Variants in TLE7 observed in about 807,000 individuals in gnomAD.
TLE7 encodes TLE family member 7, also known as transducin-like enhancer protein 7.
chr16:71,437,350 GA>G (rs57942255), intron 1 of TLE7, among the ~76,000 whole-genome samples: 24,270 of 89,328 alleles, frequency 0.27, 2,852 homozygotes, highest in African/African-American at 0.46. Flanking sequence ...CTCTGTCTCA[GA>G]AAAAAAAAAA....
rs1173809621 is a variant in TLE7 at position 71,431,839 on chromosome 16, G to T, written c.773C>A (p.Ser258Tyr). 1 of 400,724 alleles carries T rather than the reference G, an allele frequency of 2.5e-6. No individual in the cohort carries two copies. Among genetic ancestry groups the T allele is most frequent in the East Asian group, 3.6e-5 (1 of 28,054 alleles). The allele number at this position is 400,724 out of a possible 1,614,324, so 24.8% of individuals were successfully genotyped here. Residue 258 changes from serine (S) to tyrosine (Y), a missense_variant, in exon 6 of 10, where the codon TCC becomes TAC. By Grantham distance (144) the Ser-to-Tyr change is moderately radical. Coordinates refer to ENST00000561754, the MANE Select transcript of TLE7 (RefSeq NM_001367365.2). This position sits in a 1 kb window ranked among gnomAD's most constrained non-coding sequence, Gnocchi z 4.5. ...AGCCAAACAGATATGGGCATCAGAG[G>T]AGACAGCCAGAGAATAGCACGTGGG... ...TGPTCYSLAV[S>Y]SDAHICLACF...
At position 71,433,104 on chromosome 16, in the gene TLE7, T is replaced by C. The variant is rs1275463947; in HGVS notation, c.221A>G (p.Gln74Arg). 1.0e-5 allele frequency: 4 copies of C among 398,730 alleles called. No individual in the cohort carries two copies. Among genetic ancestry groups the C allele is most frequent in the Non-Finnish European group, 1.8e-5 (4 of 226,252 alleles). The allele number at this position is 398,730 out of a possible 1,614,324, so 24.7% of individuals were successfully genotyped here. A position where few individuals can be genotyped will look rare whatever the true frequency, so the allele number is the denominator to read the frequency against. ...DQETSTVTQQ[Q>R]WHLQGLGRSE... Reference sequence around the variant, plus strand: ...TCTACCCAGGCCCTGGAGGTGCCACTGCTGCTGGGTCACCGTGCTTGTCTC... The same window carrying C: ...TCTACCCAGGCCCTGGAGGTGCCACCGCTGCTGGGTCACCGTGCTTGTCTC... Residue 74 changes from glutamine (Q) to arginine (R), a missense_variant, in exon 2 of 10, where the codon CAG becomes CGG. Physicochemically the swap from Gln to Arg is conservative, Grantham distance 43. Coordinates refer to ENST00000561754, the MANE Select transcript of TLE7 (RefSeq NM_001367365.2).
chr16:71,438,681 CAAAAAA>C (rs71389663), intron 1 of TLE7, among the ~76,000 whole-genome samples: 1 of 65,764 alleles, frequency 1.5e-5, no homozygotes, highest in African/African-American at 5.0e-5. Context: ...GACTCCATCT[CAAAAAA>C]AAAAAAAAAA....
In TLE7 at chr16:71,430,348, T is replaced by C. The variant is rs971185401; in HGVS notation, c.1240A>G (p.Ile414Val). The C allele has an allele frequency of 2.5e-6, 1 of 398,660 alleles. No individual in the cohort carries two copies. Among genetic ancestry groups the C allele is most frequent in the Non-Finnish European group, 4.4e-6 (1 of 226,104 alleles). 24.7% of individuals were successfully genotyped at this position (398,660 alleles called of 1,614,324 possible). Residue 414 changes from isoleucine to valine, a missense_variant, in exon 10 of 10, where the codon ATC becomes GTC. Coordinates refer to ENST00000561754, the MANE Select transcript of TLE7 (RefSeq NM_001367365.2). Reference sequence around the variant, plus strand: ...TCAGAGGACACGTCACAGCACAGGATACCTGAAGACTCCTCTATCTAGATG... The same window carrying C: ...TCAGAGGACACGTCACAGCACAGGACACCTGAAGACTCCTCTATCTAGATG... ...KLFQIEESSG[I>V]LCCDVSSDNQ...
At chr16:71,435,480 G>T (rs1022377755) in intron 1 of TLE7, among the ~76,000 whole-genome samples, 5 of 152,170 alleles carry the variant, frequency 3.3e-5, no homozygotes, top group African/African-American at 4.8e-5. Flanking sequence ...ATATTCCAAG[G>T]TGTATTAATA....
chr16:71,433,299 G>A lies in TLE7; in HGVS notation c.26C>T (p.Ser9Leu), dbSNP rs913194665. 7.5e-6 allele frequency: 3 copies of A among 398,494 alleles called. No homozygotes were observed. The highest frequency in any genetic ancestry group is 2.1e-5 in the African/African-American group (1 of 48,600). The allele number at this position is 398,494 out of a possible 1,614,324, so 24.7% of individuals were successfully genotyped here. A position where few individuals can be genotyped will look rare whatever the true frequency, so the allele number is the denominator to read the frequency against. Residue 9 changes from serine to leucine, a missense_variant, in exon 2 of 10, where the codon TCG (serine) becomes TTG (leucine). Coordinates refer to ENST00000561754, the MANE Select transcript of TLE7 (RefSeq NM_001367365.2). MSGEKEEA[S>L]LRMFGAYGEP... Reference sequence around the variant, plus strand: ...ACCATAAGCCCCGAACATTCTGAGCGATGCCTCTTCCTTCTCTCCACTCAT... The same window carrying A: ...ACCATAAGCCCCGAACATTCTGAGCAATGCCTCTTCCTTCTCTCCACTCAT...
intron 5 of TLE7, 26 bp from the exon 6 acceptor site, chr16:71,432,028 T>G: frequency 2.5e-6 from 1 of 400,846 alleles, no homozygotes; most frequent in Non-Finnish European, 4.4e-6. Flanking sequence ...CACACACTGG[T>G]ATCCCCTTGG....
rs1305210673 is a variant in TLE7 at position 71,433,207 on chromosome 16, G to A, written c.118C>T (p.Gln40Ter). The A allele has an allele frequency of 7.5e-6, 3 of 398,672 alleles. No homozygotes were observed. The highest frequency in any genetic ancestry group is 1.3e-5 in the Non-Finnish European group (3 of 226,188). The allele number at this position is 398,672 out of a possible 1,614,324, so 24.7% of individuals were successfully genotyped here. A position where few individuals can be genotyped will look rare whatever the true frequency, so the allele number is the denominator to read the frequency against. Reference sequence around the variant, plus strand: ...CCCAACAGACTGCCCAGTTGCTGCTGCACTTGTGGCTCAGGCTGAGAGGAA... The same window carrying A: ...CCCAACAGACTGCCCAGTTGCTGCTACACTTGTGGCTCAGGCTGAGAGGAA... ...GVSSQPEPQV[Q>*]QQLGSLLGVP... The change falls in exon 2 of 10, where the codon CAG becomes TAG. Residue 40 changes from glutamine to a stop codon, truncating the protein, a stop_gained. Coordinates refer to ENST00000561754, the MANE Select transcript of TLE7 (RefSeq NM_001367365.2). LOFTEE classifies it high-confidence loss of function.
intron 1 of TLE7, among the ~76,000 whole-genome samples, chr16:71,436,898 GTTAAAA>G (rs1189177559): frequency 2.0e-5 from 3 of 152,212 alleles, no homozygotes; most frequent in Non-Finnish European, 4.4e-5. Flanking sequence ...TGGAGGCCTT[GTTAAAA>G]GTGTGGTGGA....
chr16:71,432,357 C>A, intron 4 of TLE7, 32 bp from the exon 5 acceptor site: 1 of 399,868 alleles, frequency 2.5e-6, no homozygotes, highest in South Asian at 1.3e-4. Context: ...AGCAGTGGCC[C>A]TGACCTGCTA....
At chr16:71,441,299 G>C (rs1014076116) in intron 1 of TLE7, among the ~76,000 whole-genome samples, 4 of 152,256 alleles carry the variant, frequency 2.6e-5, no homozygotes, top group Non-Finnish European at 5.9e-5. Flanking sequence ...TGCCCAGGCT[G>C]GTCTTGAACT....
rs1161407646 is a variant in TLE7 at position 71,433,546 on chromosome 16, T to C, written c.-96-126A>G. The C allele has an allele frequency of 1.6e-4, 61 of 386,962 alleles. No individual in the cohort carries two copies. The East Asian group carries it at 2.3e-3, about 14-fold the overall frequency. The allele number at this position is 386,962 out of a possible 1,614,324, so 24.0% of individuals were successfully genotyped here. A position where few individuals can be genotyped will look rare whatever the true frequency, so the allele number is the denominator to read the frequency against. On this transcript the variant is annotated intron_variant, in intron 1 of 9. Coordinates refer to ENST00000561754, the MANE Select transcript of TLE7 (RefSeq NM_001367365.2). ...AGTGGTTGCCAACTAGCTTTTCACA[T>C]TAGGTGTTGGCGGCAATGATGTCAA...
chr16:71,432,976 T>A (rs2042813149), intron 2 of TLE7, 38 bp downstream of exon 2: 1 of 398,896 alleles, frequency 2.5e-6, no homozygotes, highest in Non-Finnish European at 4.4e-6. Flanking sequence ...CCAGTCCAGT[T>A]TGCCACCCCC....
At chr16:71,437,152 C>G (rs1454840398) in intron 1 of TLE7, among the ~76,000 whole-genome samples, 3 of 152,070 alleles carry the variant, frequency 2.0e-5, no homozygotes, top group Non-Finnish European at 4.4e-5. Context: ...TGTTTGAGAC[C>G]AGCCTGGCCA....
At chr16:71,435,859 A>C (rs979903355) in intron 1 of TLE7, among the ~76,000 whole-genome samples, 4 of 152,186 alleles carry the variant, frequency 2.6e-5, no homozygotes, top group African/African-American at 9.6e-5. Context: ...GGAGCATGGA[A>C]ACTCCCAGCA....
rs1596984754 is a variant in TLE7, at chr16:71,432,202, C to T, written c.517G>A (p.Val173Met). 1 of 400,858 alleles carries T rather than the reference C, an allele frequency of 2.5e-6. No homozygotes were observed. Among genetic ancestry groups the T allele is most frequent in the Non-Finnish European group, 4.4e-6 (1 of 226,290 alleles). The allele number at this position is 400,858 out of a possible 1,614,324, so 24.8% of individuals were successfully genotyped here. ...ATGTAGCCAGAGCCACACGTGTACA[C>T]GTGGTGGGTTGAGCCGCTGATGGCC... ...AVAISGSTHH[V>M]YTCGSGYIRV... The change falls in exon 5 of 10, where the codon GTG (valine) becomes ATG (methionine). Residue 173 changes from valine (V) to methionine (M), a missense_variant. Physicochemically the swap from Val to Met is conservative, Grantham distance 21 (BLOSUM62 1). Coordinates refer to ENST00000561754, the MANE Select transcript of TLE7 (RefSeq NM_001367365.2).
rs140076584 is a variant in TLE7, at chr16:71,430,723, G to A, written c.1166C>T (p.Ala389Val). 3 of 398,574 alleles carry A rather than the reference G, an allele frequency of 7.5e-6. No individual in the cohort carries two copies. The highest frequency in any genetic ancestry group is 2.1e-5 in the African/African-American group (1 of 48,724). 24.7% of individuals were successfully genotyped at this position (398,574 alleles called of 1,614,324 possible). A position where few individuals can be genotyped will look rare whatever the true frequency, so the allele number is the denominator to read the frequency against. The change falls in exon 9 of 10, where the codon GCG becomes GTG. Residue 389 changes from alanine to valine, a missense_variant. Coordinates refer to ENST00000561754, the MANE Select transcript of TLE7 (RefSeq NM_001367365.2). ...CAAGCCACTGAGGCGCGTATCTATC[G>A]CGGTCACAAAATAGCTCCCTGGTGA... The part of the protein sequence containing the change: ...FASCGSYFVT[A>V]IDTRLSGLEA...
chr16:71,433,573 G>A (rs1207401688), intron 1 of TLE7, among the ~76,000 whole-genome samples, 153 bp from the exon 2 acceptor site: 5 of 152,216 alleles, frequency 3.3e-5, no homozygotes, highest in African/African-American at 1.2e-4. Context: ...TGATGTCAAG[G>A]GTGAAAGCGT....
rs181098159 is a variant in TLE7 at position 71,432,874 on chromosome 16, C to T, written c.330G>A (p.Glu110=). 1 of 398,894 alleles carries T rather than the reference C, an allele frequency of 2.5e-6. No individual in the cohort carries two copies. The highest frequency in any genetic ancestry group is 4.4e-5 in the Admixed American group (1 of 22,738). 24.7% of individuals were successfully genotyped at this position (398,894 alleles called of 1,614,324 possible). A position where few individuals can be genotyped will look rare whatever the true frequency, so the allele number is the denominator to read the frequency against. The part of the protein sequence containing the change: ...ESSPSFLLGS[E]VGQPYSSSSP... ...ACCACTATGACTGGTACTCACCAAC[C>T]TCAGAACCCAGTAGGAAGCTACAAC... Residue 110 remains glutamate (E), a synonymous_variant, in exon 3 of 10, where the codon GAG becomes GAA. Coordinates refer to ENST00000561754, the MANE Select transcript of TLE7 (RefSeq NM_001367365.2).
Sources: allele counts gnomAD v4.1 joint callset (sites outside exome capture counted in the v4.1 genomes callset), GRCh38; gene constraint gnomAD v4.1.1; non-coding constraint Gnocchi (gnomAD v3.1); transcripts MANE v1.5; gene names NCBI Gene and HGNC (gene_info 2026-07-23, HGNC 2026-07-21).